The following TIAM2 variants were observed in gnomAD, a reference collection of about 807,000 sequenced individuals.
The protein encoded by TIAM2 is rho guanine nucleotide exchange factor TIAM2.
A neutral mutation model predicts 152.9 loss-of-function variants in TIAM2; 80 were observed. That is an observed-to-expected ratio of 0.52 (90% CI 0.44 to 0.63). The LOEUF (loss-of-function observed/expected upper bound fraction) is 0.63, where lower values mean the gene tolerates loss of function less well. Among genes scored for constraint, TIAM2 ranks in the 30% least tolerant of loss-of-function variants. The probability of loss-of-function intolerance (pLI) is 0.00; values close to 1 mark genes in which losing one functional copy is unlikely to be tolerated. For missense variants in TIAM2, 1,965 were observed against 2,120.1 expected, an observed-to-expected ratio of 0.93 and a Z score of 1.44; for synonymous variants, 804 against 838.0, an observed-to-expected ratio of 0.96 and a Z score of 0.70.
intron 2 of TIAM2, among the ~76,000 whole-genome samples, chr6:155,097,936 T>A (rs1778454432): frequency 6.6e-6 from 1 of 152,228 alleles, no homozygotes; most frequent in Non-Finnish European, 1.5e-5. Flanking sequence ...TGTATATTCT[T>A]GGTGCCTTTG....
At chr6:155,114,496 C>T (rs1026658132) in intron 2 of TIAM2, among the ~76,000 whole-genome samples, 1 of 151,748 alleles carries the variant, frequency 6.6e-6, no homozygotes, top group Non-Finnish European at 1.5e-5. Context: ...TGGCCATGCC[C>T]CACCCCCACA....
intron 9 of TIAM2, chr6:155,169,020 G>GA: frequency 8.7e-7 from 1 of 1,144,084 alleles, no homozygotes; most frequent in Non-Finnish European, 1.2e-6. Context: ...TTTTGAGACG[G>GA]AGTCTGGCTC....
intron 13 of TIAM2, 150 bp from the exon 14 acceptor site, chr6:155,183,087 C>G (rs770350688): frequency 1.0e-6 from 1 of 975,108 alleles, no homozygotes; most frequent in Non-Finnish European, 1.5e-6. Flanking sequence ...GCACCTGCCA[C>G]TGTGCCTGGC....
chr6:155,244,128 T>C, intron 17 of TIAM2, 49 bp downstream of exon 17: 1 of 1,551,950 alleles, frequency 6.4e-7, no homozygotes, highest in South Asian at 1.1e-5. Context: ...GGTTAGTCTC[T>C]GTTTGCCTTT....
chr6:154,998,650 T>C (rs1173970351), intron 1 of TIAM2, among the ~76,000 whole-genome samples: 2 of 152,176 alleles, frequency 1.3e-5, no homozygotes, highest in African/African-American at 4.8e-5. Context: ...ATGTCAAAAG[T>C]GTTTGCTAGT....
intron 1 of TIAM2, among the ~76,000 whole-genome samples, chr6:155,024,652 T>TAAA (rs58181899): frequency 0.034 from 4,991 of 146,888 alleles, 121 homozygotes; most frequent in African/African-American, 0.058. Flanking sequence ...TCCATGTCTT[T>TAAA]AAAAAAAAAA....
chr6:155,221,099 T>C (rs1378412198), intron 15 of TIAM2, among the ~76,000 whole-genome samples: 11 of 135,220 alleles, frequency 8.1e-5, no homozygotes, highest in African/African-American at 3.0e-4. Context: ...CAGACTTTTC[T>C]CTTTCATCTT....
chr6:155,122,542 A>G (rs1779188161), intron 2 of TIAM2, among the ~76,000 whole-genome samples: 1 of 147,760 alleles, frequency 6.8e-6, no homozygotes. Context: ...TTTTTGTTCT[A>G]GGTCCATGTC....
At chr6:155,047,769 A>G (rs1013129663) in intron 1 of TIAM2, among the ~76,000 whole-genome samples, 1 of 148,574 alleles carries the variant, frequency 6.7e-6, no homozygotes, top group Non-Finnish European at 1.5e-5. Flanking sequence ...GACTTGAGTG[A>G]GGACCCCCAG....
At chr6:155,187,949 G>T (rs1193289369) in intron 14 of TIAM2, among the ~76,000 whole-genome samples, 3 of 152,126 alleles carry the variant, frequency 2.0e-5, no homozygotes, top group African/African-American at 7.2e-5. Flanking sequence ...GCCTGCATTG[G>T]CTGGAGAGCA....
chr6:155,086,311 C>A (rs1778169771), intron 1 of TIAM2, among the ~76,000 whole-genome samples: 1 of 152,208 alleles, frequency 6.6e-6, no homozygotes, highest in Non-Finnish European at 1.5e-5. Context: ...TTGATCTTTA[C>A]TGGACTTCAC....
chr6:155,257,208 A>C lies in TIAM2; in HGVS notation c.*87A>C, dbSNP rs1242260969. The C allele has an allele frequency of 6.7e-6, 9 of 1,352,856 alleles. No homozygotes were observed. The highest frequency in any genetic ancestry group is 9.1e-6 in the Non-Finnish European group (9 of 990,776). 83.8% of individuals were successfully genotyped at this position (1,352,856 alleles called of 1,614,324 possible). A position where few individuals can be genotyped will look rare whatever the true frequency, so the allele number is the denominator to read the frequency against. Reference sequence around the variant, plus strand: ...GAAATTGCAAAAAAAAAAAAAAAAAAAAACTGTTCATTCCTGGGTTTTGTG... The same window carrying C: ...GAAATTGCAAAAAAAAAAAAAAAAACAAACTGTTCATTCCTGGGTTTTGTG... On this transcript the variant is annotated 3_prime_UTR_variant, in exon 27 of 27. Coordinates refer to ENST00000682666, the MANE Select transcript of TIAM2 (RefSeq NM_012454.4).
chr6:155,133,092 C>T (rs569368353), intron 4 of TIAM2, among the ~76,000 whole-genome samples: 24 of 152,320 alleles, frequency 1.6e-4, no homozygotes, highest in African/African-American at 3.6e-4. Flanking sequence ...TGGTGGCTCA[C>T]GCCTGTCATC....
At chr6:155,145,533 A>G (rs1583213382) in intron 6 of TIAM2, among the ~76,000 whole-genome samples, 1 of 152,246 alleles carries the variant, frequency 6.6e-6, no homozygotes, top group Middle Eastern at 3.4e-3. Context: ...ATAAATTTTA[A>G]CTTGGTGATT....
intron 1 of TIAM2, among the ~76,000 whole-genome samples, chr6:155,011,746 T>C (rs1384096129): frequency 1.3e-5 from 2 of 152,232 alleles, no homozygotes; most frequent in East Asian, 3.8e-4. Flanking sequence ...AACTCTCTTA[T>C]GGGGAGACAG....
intron 1 of TIAM2, among the ~76,000 whole-genome samples, chr6:155,073,364 T>C (rs1352832902): frequency 6.6e-6 from 1 of 152,006 alleles, no homozygotes; most frequent in African/African-American, 2.4e-5. Context: ...GGTTTCACCA[T>C]GTTGGCCAGG....
At chr6:155,085,339 G>A (rs1778152333) in intron 1 of TIAM2, among the ~76,000 whole-genome samples, 1 of 152,156 alleles carries the variant, frequency 6.6e-6, no homozygotes, top group African/African-American at 2.4e-5. Flanking sequence ...ACGTAGAGGT[G>A]GGAGGCATGT....
At chr6:155,055,987 A>T (rs960899760) in intron 1 of TIAM2, among the ~76,000 whole-genome samples, 3 of 151,896 alleles carry the variant, frequency 2.0e-5, no homozygotes, top group African/African-American at 4.8e-5. Flanking sequence ...ACAACAACAA[A>T]AGAGTTGAGC....
In TIAM2 at chr6:155,160,396, C is replaced by T. The variant is rs767050191; in HGVS notation, c.2029-4019C>T. 6.5e-4 allele frequency among the ~76,000 whole-genome samples: 99 copies of T among 152,166 alleles called. 1 individual carries two copies. Among genetic ancestry groups the T allele is most frequent in the Non-Finnish European group, 1.6e-4 (11 of 68,028 alleles). ...TGAGGCCCACCCACATTAGGGAAGG[C>T]AATCCGCATTACTCAGTCTACCCAT... On this transcript the variant is annotated intron_variant, in intron 7 of 26. Transcript: ENST00000682666.
Sources: allele counts gnomAD v4.1 joint callset (sites outside exome capture counted in the v4.1 genomes callset), GRCh38; gene constraint gnomAD v4.1.1; transcripts MANE v1.5; gene names NCBI Gene and HGNC (gene_info 2026-07-23, HGNC 2026-07-21).